CSMD2: variants seen among roughly 807,000 people sequenced by gnomAD.
The protein encoded by CSMD2 is CUB and Sushi multiple domains 2.
Under a neutral mutation model 398.5 loss-of-function variants are expected in CSMD2, and 130 were observed. The ratio of observed to expected loss-of-function variants is 0.33; its 90% CI spans 0.28 to 0.38. CSMD2 has a LOEUF of 0.38. Ranked by LOEUF, CSMD2 falls within the 10% of genes least tolerant of loss-of-function variation. The pLI, the probability that CSMD2 is intolerant of heterozygous loss-of-function variation, is 1.00. For synonymous variants in CSMD2, 1,828 were observed against 1,908.5 expected (o/e 0.96, Z 1.10); for missense variants, 3,829 against 4,764.9 (o/e 0.80, Z 5.78).
chr1:33,811,701 T>C (rs1315758952), intron 9 of CSMD2, among the ~76,000 whole-genome samples: 1 of 152,240 alleles, frequency 6.6e-6, no homozygotes, highest in Non-Finnish European at 1.5e-5. Context: ...CTAATTAGAT[T>C]AAGTAGTGAT....
chr1:34,016,851 A>G (rs1648193128), intron 3 of CSMD2, among the ~76,000 whole-genome samples: 1 of 152,222 alleles, frequency 6.6e-6, no homozygotes, highest in African/African-American at 2.4e-5. Flanking sequence ...AAGATTAGAA[A>G]ACGTGCCACA....
rs1412415217 is a variant in CSMD2 at position 33,728,748 on chromosome 1, G to T, written c.2369-2063C>A. ...TCAGGGCTTAATGTGGATTATCCTT[G>T]TGACAATGGCAACACTAAATGGCAC... On this transcript the variant is annotated intron_variant, in intron 15 of 70. Transcript: ENST00000373381. 2.6e-5 allele frequency among the ~76,000 whole-genome samples: 4 copies of T among 152,202 alleles called. 1 individual carries two copies. The highest frequency in any genetic ancestry group is 1.3e-4 in the Admixed American group (2 of 15,286).
intron 41 of CSMD2, among the ~76,000 whole-genome samples, chr1:33,607,309 A>G (rs1640680408): frequency 6.6e-6 from 1 of 152,210 alleles, no homozygotes; most frequent in African/African-American, 2.4e-5. Context: ...TGGGAAGTGC[A>G]GAGTATCAGT....
intron 1 of CSMD2, among the ~76,000 whole-genome samples, chr1:34,134,040 G>A (rs1771384): frequency 0.42 from 55,772 of 132,126 alleles, 11,661 homozygotes; most frequent in East Asian, 0.65. Flanking sequence ...GTGACAGAGT[G>A]AGACTCTGTC....
At chr1:33,735,047 T>C (rs1646841312) in intron 15 of CSMD2, among the ~76,000 whole-genome samples, 1 of 152,236 alleles carries the variant, frequency 6.6e-6, no homozygotes. Flanking sequence ...GTATTTCCTT[T>C]TAATTTTCTA....
At chr1:33,594,034 CATTT>C (rs1264799455) in intron 44 of CSMD2, among the ~76,000 whole-genome samples, 5 of 152,134 alleles carry the variant, frequency 3.3e-5, no homozygotes, top group Non-Finnish European at 5.9e-5. Flanking sequence ...CCTTCTTGCA[CATTT>C]ATTAATATAA....
At chr1:33,697,185 C>A (rs778266484) in intron 24 of CSMD2, among the ~76,000 whole-genome samples, 1 of 152,122 alleles carries the variant, frequency 6.6e-6, no homozygotes, top group Non-Finnish European at 1.5e-5. Context: ...TCTTGTAATA[C>A]GAGTCATCAT....
At chr1:34,111,478 A>C (rs1661070784) in intron 1 of CSMD2, among the ~76,000 whole-genome samples, 1 of 152,220 alleles carries the variant, frequency 6.6e-6, no homozygotes, top group Non-Finnish European at 1.5e-5. Context: ...CACAGGATGC[A>C]TGTGTCAGTA....
intron 60 of CSMD2, among the ~76,000 whole-genome samples, chr1:33,539,206 T>G (rs1035530506): frequency 6.6e-6 from 1 of 152,144 alleles, no homozygotes; most frequent in African/African-American, 2.4e-5. Context: ...GACCTCGTGA[T>G]CCACCCACCT....
chr1:33,816,581 A>G (rs1329393401), intron 9 of CSMD2, among the ~76,000 whole-genome samples: 1 of 152,202 alleles, frequency 6.6e-6, no homozygotes, highest in East Asian at 1.9e-4. Flanking sequence ...ATAAGTCTGA[A>G]AAGCTCTATA....
rs192591525 is a variant in CSMD2, at chr1:33,580,734, T to C, written c.7387+19A>G. 1.2e-6 allele frequency: 2 copies of C among 1,613,946 alleles called. No individual in the cohort carries two copies. The highest frequency in any genetic ancestry group is 2.2e-5 in the East Asian group (1 of 44,852). On this transcript the variant is annotated intron_variant, in intron 48 of 70. Transcript: ENST00000373381. The stretch of plus-strand genomic sequence containing the variant: ...GATGAGGAGAGGGCCTGTGGCTTAT[T>C]TGTGTTTTTTTCACTCACCTGAATA...
At chr1:34,085,346 G>A (rs898458316) in intron 2 of CSMD2, among the ~76,000 whole-genome samples, 25 of 151,454 alleles carry the variant, frequency 1.7e-4, no homozygotes, top group Non-Finnish European at 3.1e-4. Flanking sequence ...AAACCTGCAC[G>A]TTGTGCACAT....
At chr1:34,044,666 C>T (rs1383830893) in intron 2 of CSMD2, among the ~76,000 whole-genome samples, 1 of 152,066 alleles carries the variant, frequency 6.6e-6, no homozygotes, top group African/African-American at 2.4e-5. Flanking sequence ...CCTCCACTTC[C>T]GAGGGTGATC....
In CSMD2 at chr1:33,635,099, C is replaced by A; in HGVS notation, c.5086+115G>T. The A allele has an allele frequency of 1.5e-6, 1 of 672,654 alleles. No individual in the cohort carries two copies. Among genetic ancestry groups the A allele is most frequent in the Non-Finnish European group, 2.7e-6 (1 of 372,552 alleles). The allele number at this position is 672,654 out of a possible 1,614,324, so 41.7% of individuals were successfully genotyped here. On this transcript the variant is annotated intron_variant, in intron 31 of 70. Transcript: ENST00000373381. The surrounding 1 kb of genome is among the most constrained non-coding windows in gnomAD (Gnocchi z 5.0). ...CGGCCGTCCTTTTGGGGAGACTGTTCTGCGATTCCCACAATGGGGCTGTAT... is the reference window on the plus strand; with the variant it reads ...CGGCCGTCCTTTTGGGGAGACTGTTATGCGATTCCCACAATGGGGCTGTAT...
intron 13 of CSMD2, among the ~76,000 whole-genome samples, chr1:33,770,225 C>T (rs186611289): frequency 6.6e-6 from 1 of 152,296 alleles, no homozygotes; most frequent in East Asian, 1.9e-4. Flanking sequence ...GAGTGCTACC[C>T]TATTGGATAG....
chr1:34,098,723 G>T (rs1490908881), intron 1 of CSMD2, among the ~76,000 whole-genome samples: 1 of 151,984 alleles, frequency 6.6e-6, no homozygotes, highest in African/African-American at 2.4e-5. Flanking sequence ...TTTGGGAAAA[G>T]AATTAAGTTA....
intron 5 of CSMD2, chr1:33,875,397 T>C (rs1299767357): frequency 6.6e-6 from 1 of 152,198 alleles, no homozygotes; most frequent in Non-Finnish European, 1.5e-5. Context: ...TGACATGTTT[T>C]GGGCGTTTAC....
intron 44 of CSMD2, among the ~76,000 whole-genome samples, chr1:33,593,143 G>A (rs2148774890): frequency 6.6e-6 from 1 of 152,258 alleles, no homozygotes; most frequent in South Asian, 2.1e-4. Context: ...AAAAAGGAAG[G>A]AAACTCTGAC....
intron 1 of CSMD2, among the ~76,000 whole-genome samples, chr1:34,118,579 CA>C (rs1661841128): frequency 6.6e-6 from 1 of 152,148 alleles, no homozygotes; most frequent in Non-Finnish European, 1.5e-5. Flanking sequence ...AATCAACACA[CA>C]AAAATAAGTT....
Sources: allele counts gnomAD v4.1 joint callset (sites outside exome capture counted in the v4.1 genomes callset), GRCh38; gene constraint gnomAD v4.1.1; non-coding constraint Gnocchi (gnomAD v3.1); transcripts MANE v1.5; gene names NCBI Gene and HGNC (gene_info 2026-07-23, HGNC 2026-07-21).